FAM184B: variants seen among roughly 807,000 people sequenced by gnomAD.
FAM184B encodes protein FAM184B.
FAM184B carries 111 observed loss-of-function variants against 135.9 expected under a neutral mutation model. The observed-to-expected ratio is 0.82, with a 90% CI of 0.70 to 0.96. The LOEUF is 0.96. Ranked by LOEUF, FAM184B falls within the 40% of genes least tolerant of loss-of-function variation. FAM184B has a pLI of 0.00. For missense variants in FAM184B, 1,375 were observed against 1,323.9 expected, an observed-to-expected ratio of 1.04 and a Z score of -0.60; for synonymous variants, 552 against 524.8, an observed-to-expected ratio of 1.05 and a Z score of -0.71.
intron 1 of FAM184B, among the ~76,000 whole-genome samples, chr4:17,762,782 G>A (rs1718575620): frequency 6.6e-6 from 1 of 152,158 alleles, no homozygotes; most frequent in Admixed American, 6.6e-5. Context: ...CTCACAAGCT[G>A]TCTAAACCCT....
At chr4:17,658,287 T>C (rs1715825979) in intron 10 of FAM184B, 63 bp downstream of exon 10, 4 of 1,424,518 alleles carry the variant, frequency 2.8e-6, no homozygotes, top group Non-Finnish European at 3.9e-6. Context: ...GACGGCTTTG[T>C]GCATGGCAGT....
intron 1 of FAM184B, among the ~76,000 whole-genome samples, chr4:17,718,013 G>T (rs1404178464): frequency 6.6e-6 from 1 of 152,080 alleles, no homozygotes; most frequent in Non-Finnish European, 1.5e-5. Context: ...TTACAGATGG[G>T]GCTAACTTCA....
chr4:17,666,305 C>CTTTTT (rs71167320), intron 7 of FAM184B, among the ~76,000 whole-genome samples: 2 of 131,276 alleles, frequency 1.5e-5, no homozygotes, highest in Non-Finnish European at 1.6e-5. Flanking sequence ...CCCTGGAATT[C>CTTTTT]TTTTTTTTTT....
intron 7 of FAM184B, among the ~76,000 whole-genome samples, chr4:17,665,904 C>CT (rs367991653): frequency 6.6e-6 from 1 of 151,988 alleles, no homozygotes; most frequent in Admixed American, 6.6e-5. Context: ...CCCCGCCCCC[C>CT]AGTTGCTGCT....
Position 17,728,636 on chromosome 4 carries a change from C to T in FAM184B, c.142-18992G>A, listed in dbSNP as rs181347664. ...GGGGCAGTAGGAAGGAAGAGTGCTGCGGAAATTGAGCCCAGGTGTGGAGCA... is the reference window on the plus strand; with the variant it reads ...GGGGCAGTAGGAAGGAAGAGTGCTGTGGAAATTGAGCCCAGGTGTGGAGCA... On this transcript the variant is annotated intron_variant, in intron 1 of 17. Coordinates refer to ENST00000265018, the MANE Select transcript of FAM184B (RefSeq NM_015688.2). Among the ~76,000 whole-genome samples the T allele has an allele frequency of 2.9e-3, 448 of 152,024 alleles. 2 individuals are homozygous for T. The highest frequency in any genetic ancestry group is 5.5e-3 in the Non-Finnish European group (374 of 67,988).
chr4:17,659,307 A>G (rs1421147690), intron 9 of FAM184B, among the ~76,000 whole-genome samples: 4 of 151,586 alleles, frequency 2.6e-5, no homozygotes, highest in South Asian at 2.1e-4. Context: ...GAGTCTTGCT[A>G]TGTTGGCCTG....
Position 17,632,044 on chromosome 4 carries a change from T to TA in FAM184B, c.*487_*488insT. 7.7e-4 allele frequency: 1 copy of TA among 1,302 alleles called. No individual in the cohort carries two copies. The highest frequency in any genetic ancestry group is 2.6e-3 in the African/African-American group (1 of 378). The allele number at this position is 1,302 out of a possible 1,614,324, so 0.1% of individuals were successfully genotyped here. A position where few individuals can be genotyped will look rare whatever the true frequency, so the allele number is the denominator to read the frequency against. On this transcript the variant is annotated 3_prime_UTR_variant, in exon 18 of 18. Transcript: ENST00000265018. ...TTTAATAACACTGGTTTAATGTCAA[T>TA]TTTTTTTTTTTTTTTTTTTTTTTTT...
chr4:17,766,117 G>A (rs757299749), intron 1 of FAM184B, among the ~76,000 whole-genome samples: 3 of 152,338 alleles, frequency 2.0e-5, no homozygotes, highest in South Asian at 2.1e-4. Flanking sequence ...GATTGGGAAG[G>A]TAACCTAACC....
chr4:17,656,704 C>CA (rs1560169307), intron 10 of FAM184B, among the ~76,000 whole-genome samples: 1 of 152,040 alleles, frequency 6.6e-6, no homozygotes, highest in Non-Finnish European at 1.5e-5. Context: ...GCTCGACTTT[C>CA]TTTTTTTTAA....
chr4:17,656,051 C>T (rs540403024), intron 10 of FAM184B, among the ~76,000 whole-genome samples: 71 of 152,292 alleles, frequency 4.7e-4, no homozygotes, highest in African/African-American at 1.5e-3. Context: ...GGGCTTATAC[C>T]CGATGGGCAG....
chr4:17,742,159 TATATATATA>T (rs148718864), intron 1 of FAM184B, among the ~76,000 whole-genome samples: 29,425 of 114,514 alleles, frequency 0.26, 3,653 homozygotes, highest in East Asian at 0.51. Context: ...TATATATATA[TATATATATA>T]TTTTTTTTTT....
At chr4:17,685,612 G>A (rs1463113377) in intron 7 of FAM184B, among the ~76,000 whole-genome samples, 2 of 150,772 alleles carry the variant, frequency 1.3e-5, no homozygotes, top group African/African-American at 4.9e-5. Context: ...CCAACCCATG[G>A]TTCCCAACAG....
intron 1 of FAM184B, among the ~76,000 whole-genome samples, chr4:17,715,653 C>T (rs1717388080): frequency 6.6e-6 from 1 of 152,040 alleles, no homozygotes; most frequent in African/African-American, 2.4e-5. Flanking sequence ...GTTCTCACCA[C>T]AAAAAATGAT....
rs931723355 is a variant in FAM184B, at chr4:17,716,758, G to A, written c.142-7114C>T. On this transcript the variant is annotated intron_variant, in intron 1 of 17. Coordinates refer to ENST00000265018, the MANE Select transcript of FAM184B (RefSeq NM_015688.2). The stretch of plus-strand genomic sequence containing the variant: ...GTTGACATCTCCAATCCCCTGCTCA[G>A]CTCATCTTTAGCCTTGCATTCTTGG... Among the ~76,000 whole-genome samples the A allele has an allele frequency of 3.9e-5, 6 of 152,084 alleles. No individual in the cohort carries two copies. The East Asian group carries it at 1.2e-3, about 29-fold the overall frequency.
chr4:17,740,225 G>T (rs747493081), intron 1 of FAM184B, among the ~76,000 whole-genome samples: 1 of 151,802 alleles, frequency 6.6e-6, no homozygotes, highest in African/African-American at 2.4e-5. Context: ...GGTAGCGGGC[G>T]CCTGTAATTC....
intron 1 of FAM184B, among the ~76,000 whole-genome samples, chr4:17,778,622 G>T (rs1366538459): frequency 1.3e-5 from 2 of 152,196 alleles, no homozygotes; most frequent in African/African-American, 4.8e-5. Context: ...AGGTTGAGGC[G>T]GGAGGATTGC....
chr4:17,639,514 GTGATCTAAGGACACC>G, intron 13 of FAM184B, 118 bp from the exon 14 acceptor site: 2 of 1,207,798 alleles, frequency 1.7e-6, no homozygotes, highest in Non-Finnish European at 2.3e-6. Flanking sequence ...GGGAGAAATT[GTGATCTAAGGACACC>G]TGTGGGAAGA....
At chr4:17,645,589 A>C (rs1443225980) in intron 12 of FAM184B, among the ~76,000 whole-genome samples, 2 of 152,074 alleles carry the variant, frequency 1.3e-5, no homozygotes, top group Non-Finnish European at 2.9e-5. Context: ...AGATGGATTA[A>C]AGACTTAAAT....
intron 7 of FAM184B, among the ~76,000 whole-genome samples, chr4:17,684,367 G>A (rs1347587493): frequency 1.3e-5 from 2 of 151,926 alleles, no homozygotes. Flanking sequence ...CTGGGATAGG[G>A]AACTCAGCAG....
Sources: gnomAD v4.1 joint callset for allele counts (sites outside exome capture counted in the v4.1 genomes callset) on GRCh38, gnomAD v4.1.1 for gene constraint, MANE v1.5 for transcripts, NCBI Gene and HGNC (gene_info 2026-07-23, HGNC 2026-07-21) for gene names.